Variants in SLC5A11 observed in about 807,000 individuals in gnomAD.
SLC5A11 encodes the protein solute carrier family 5 member 11, also known as sodium/myo-inositol cotransporter 2.
Under a neutral mutation model 69.8 loss-of-function variants are expected in SLC5A11, and 48 were observed. The observed-to-expected ratio is 0.69, with a 90% CI of 0.55 to 0.87. The LOEUF (loss-of-function observed/expected upper bound fraction) is 0.87, where lower values mean the gene tolerates loss of function less well. Ranked by LOEUF, SLC5A11 falls within the 40% of genes least tolerant of loss-of-function variation. SLC5A11 has a pLI of 0.00. For synonymous variants in SLC5A11, 319 were observed against 342.4 expected (o/e 0.93, Z 0.75); for missense variants, 784 against 866.1 (o/e 0.91, Z 1.19).
At chr16:24,848,328 G>T (rs1016771482) in intron 1 of SLC5A11, among the ~76,000 whole-genome samples, 1 of 151,790 alleles carries the variant, frequency 6.6e-6, no homozygotes, top group South Asian at 2.1e-4. Flanking sequence ...AGGAAGCAAG[G>T]CTGGGTGAGG....
chr16:24,866,324 C>A (rs1297286250), intron 3 of SLC5A11, among the ~76,000 whole-genome samples: 1 of 151,506 alleles, frequency 6.6e-6, no homozygotes. Flanking sequence ...TAGGGCTGGG[C>A]ATGGTGACTC....
chr16:24,887,072 G>A (rs1046082526), intron 8 of SLC5A11, among the ~76,000 whole-genome samples: 2 of 152,156 alleles, frequency 1.3e-5, no homozygotes, highest in African/African-American at 4.8e-5. Context: ...AAAGACAGTG[G>A]AGCAAGGGCT....
At chr16:24,862,549 G>A in intron 2 of SLC5A11, 52 bp from the exon 4 acceptor site, 1 of 1,522,254 alleles carries the variant, frequency 6.6e-7, no homozygotes, top group Non-Finnish European at 9.1e-7. Flanking sequence ...ATTTTGAGAT[G>A]CCTCTGATTG....
At chr16:24,897,848 CT>C in intron 9 of SLC5A11, 125 bp from the exon 11 acceptor site, 1 of 1,219,286 alleles carries the variant, frequency 8.2e-7, no homozygotes, top group East Asian at 2.3e-5. Context: ...ATTCAGTTAT[CT>C]CCCACTGACT....
At chr16:24,910,676 C>T (rs548040097) in intron 15 of SLC5A11, among the ~76,000 whole-genome samples, 199 bp downstream of exon 16, 17 of 152,192 alleles carry the variant, frequency 1.1e-4, no homozygotes, top group Admixed American at 9.2e-4. Context: ...AAGCTTCCTA[C>T]GGGCACTAAC....
intron 8 of SLC5A11, among the ~76,000 whole-genome samples, chr16:24,889,566 T>C (rs1000441963): frequency 4.1e-5 from 6 of 144,782 alleles, no homozygotes; most frequent in Non-Finnish European, 9.1e-5. Context: ...TTTTTTTTTT[T>C]TTTTGAGATG....
intron 4 of SLC5A11, among the ~76,000 whole-genome samples, chr16:24,870,951 C>T (rs1213601697): frequency 4.6e-5 from 7 of 151,964 alleles, no homozygotes; most frequent in Admixed American, 6.6e-5. Flanking sequence ...TTGTTTGCTA[C>T]CTCTGAGATA....
At chr16:24,854,202 T>A (rs1345391971) in intron 1 of SLC5A11, among the ~76,000 whole-genome samples, 2 of 152,104 alleles carry the variant, frequency 1.3e-5, no homozygotes, top group East Asian at 3.9e-4. Flanking sequence ...CCCTCCTCCC[T>A]CTGCCCCACT....
intron 4 of SLC5A11, among the ~76,000 whole-genome samples, chr16:24,870,510 T>C (rs1439370592): frequency 2.0e-5 from 3 of 149,700 alleles, no homozygotes. Flanking sequence ...TTGGGCGCGA[T>C]GGCTCAGGCC....
intron 8 of SLC5A11, among the ~76,000 whole-genome samples, chr16:24,886,176 G>A (rs1323584456): frequency 3.3e-5 from 5 of 151,464 alleles, no homozygotes; most frequent in East Asian, 3.9e-4. Flanking sequence ...CTGGGACTAC[G>A]GACACACGCC....
exon 9 of SLC5A11, chr16:24,891,042 A>C: frequency 6.2e-7 from 1 of 1,614,158 alleles, no homozygotes; most frequent in South Asian, 1.1e-5. Flanking sequence ...TGGAATGTCC[A>C]TCCCATCCCT....
At chr16:24,873,247 GAGGAAGGA>G (rs549215226) in intron 5 of SLC5A11, among the ~76,000 whole-genome samples, 6,308 of 101,390 alleles carry the variant, frequency 0.062, 201 homozygotes, top group African/African-American at 0.079. Context: ...GAGAGGGAGG[GAGGAAGGA>G]AGGAAGGAAG....
intron 9 of SLC5A11, among the ~76,000 whole-genome samples, chr16:24,891,383 TA>T (rs1294620333): frequency 7.0e-6 from 1 of 143,054 alleles, no homozygotes; most frequent in Non-Finnish European, 1.5e-5. Context: ...GGCACGATCA[TA>T]GCTCACAGCA....
At chr16:24,873,969 G>A (rs1343838856) in intron 5 of SLC5A11, among the ~76,000 whole-genome samples, 2 of 151,756 alleles carry the variant, frequency 1.3e-5, no homozygotes, top group African/African-American at 4.8e-5. Flanking sequence ...TGGGATTACA[G>A]GTGCACACCA....
At chr16:24,854,165 G>A (rs2059429284) in intron 1 of SLC5A11, among the ~76,000 whole-genome samples, 1 of 152,204 alleles carries the variant, frequency 6.6e-6, no homozygotes, top group South Asian at 2.1e-4. Context: ...GGGAGGACTG[G>A]CTCACCAGGC....
intron 13 of SLC5A11, among the ~76,000 whole-genome samples, chr16:24,908,608 A>G (rs2152423425): frequency 6.6e-6 from 1 of 151,810 alleles, no homozygotes; most frequent in South Asian, 2.1e-4. Flanking sequence ...AAAAAAAAAA[A>G]AAAAAAAAGC....
Position 24,873,477 on chromosome 16 carries a change from TTAAAA to T in SLC5A11, c.372+1263_372+1267del, listed in dbSNP as rs1197219170. On this transcript the variant is annotated intron_variant, in intron 5 of 15. Transcript: ENST00000347898. ...GAGACCCCCATCTCTACAAAAATAA[TTAAAA>T]TAAAGAATTAGCTGAGACTGGTGGT... Among the ~76,000 whole-genome samples the T allele has an allele frequency of 2.6e-5, 4 of 151,600 alleles. No homozygotes were observed. The East Asian group carries it at 7.9e-4, about 30-fold the overall frequency.
At chr16:24,858,976 AT>A (rs1444890823) in intron 2 of SLC5A11, among the ~76,000 whole-genome samples, 198 bp downstream of exon 3, 1 of 152,158 alleles carries the variant, frequency 6.6e-6, no homozygotes, top group Non-Finnish European at 1.5e-5. Flanking sequence ...TGTTTTAAGC[AT>A]TTTCACTTAC....
At chr16:24,858,665 C>T in exon 2 of SLC5A11, 1 of 1,610,556 alleles carries the variant, frequency 6.2e-7, no homozygotes, top group Non-Finnish European at 8.5e-7. Context: ...CACCAGCAGC[C>T]CTCAGCCTCC....
Sources: gnomAD v4.1 joint callset for allele counts (sites outside exome capture counted in the v4.1 genomes callset) on GRCh38, gnomAD v4.1.1 for gene constraint, MANE v1.5 for transcripts, NCBI Gene and HGNC (gene_info 2026-07-23, HGNC 2026-07-21) for gene names.